The following CDH11 variants were observed in gnomAD, a reference collection of about 807,000 sequenced individuals.
CDH11 encodes cadherin 11, also known as cadherin-11.
CDH11 carries 11 observed loss-of-function variants against 67.8 expected under a neutral mutation model. That is an observed-to-expected ratio of 0.16 (90% confidence interval 0.10 to 0.27). The LOEUF (loss-of-function observed/expected upper bound fraction) is 0.27, where lower values mean the gene tolerates loss of function less well. CDH11 is among the 10% of genes least tolerant of loss of function. CDH11 has a pLI of 1.00. For missense variants in CDH11, 847 were observed against 1,031.2 expected (o/e 0.82, Z 2.45); for synonymous variants, 419 against 400.0 (o/e 1.05, Z -0.57).
chr16:65,068,152 CAAAG>C (rs1360991424), intron 1 of CDH11, among the ~76,000 whole-genome samples: 1 of 128,098 alleles, frequency 7.8e-6, no homozygotes, highest in African/African-American at 3.0e-5. Context: ...GAGGGAGAGA[CAAAG>C]GAAGAGAGAA....
chr16:65,002,249 T>C (rs1196208839), intron 3 of CDH11, among the ~76,000 whole-genome samples: 2 of 150,808 alleles, frequency 1.3e-5, no homozygotes, highest in Non-Finnish European at 2.9e-5. Flanking sequence ...TATTTTCTTC[T>C]AGTAGGCATG....
chr16:65,099,438 G>A (rs919659930), intron 1 of CDH11, among the ~76,000 whole-genome samples: 2 of 152,124 alleles, frequency 1.3e-5, no homozygotes, highest in South Asian at 2.1e-4. Context: ...ACAGGACATA[G>A]CAAATGGCCT....
intron 4 of CDH11, among the ~76,000 whole-genome samples, chr16:64,997,918 T>A (rs2072814883): frequency 6.6e-6 from 1 of 152,188 alleles, no homozygotes; most frequent in African/African-American, 2.4e-5. Context: ...AAACCTTTCT[T>A]AATATGAGGA....
At chr16:65,056,307 A>T (rs534274807) in intron 1 of CDH11, among the ~76,000 whole-genome samples, 4 of 152,190 alleles carry the variant, frequency 2.6e-5, no homozygotes, top group Non-Finnish European at 5.9e-5. Context: ...TCAGCCTTCC[A>T]AGCTGAGGTG....
At chr16:65,039,054 T>G (rs892349010) in intron 2 of CDH11, among the ~76,000 whole-genome samples, 2 of 152,196 alleles carry the variant, frequency 1.3e-5, no homozygotes, top group African/African-American at 4.8e-5. Context: ...GTGAAAGAGA[T>G]GAAGTCCAGC....
At chr16:65,074,412 C>T (rs1017492761) in intron 1 of CDH11, among the ~76,000 whole-genome samples, 1 of 152,180 alleles carries the variant, frequency 6.6e-6, no homozygotes, top group African/African-American at 2.4e-5. Flanking sequence ...TGTGCAACCC[C>T]CCGGCTTAAC....
intron 6 of CDH11, 175 bp downstream of exon 6, chr16:64,991,593 T>C (rs988082351): frequency 1.3e-5 from 6 of 472,324 alleles, no homozygotes; most frequent in African/African-American, 1.2e-4. Flanking sequence ...CTCCCCGACA[T>C]TGTTGTTGTT....
At chr16:65,108,507 T>C (rs2075103269) in intron 1 of CDH11, among the ~76,000 whole-genome samples, 3 of 152,184 alleles carry the variant, frequency 2.0e-5, no homozygotes, top group Non-Finnish European at 2.9e-5. Flanking sequence ...TATATAGCAG[T>C]GTCTATGAAG....
At chr16:65,105,189 T>A (rs1200386169) in intron 1 of CDH11, among the ~76,000 whole-genome samples, 1 of 152,210 alleles carries the variant, frequency 6.6e-6, no homozygotes, top group Non-Finnish European at 1.5e-5. Context: ...GGCTGGGTTT[T>A]CTTTTTGTTG....
chr16:65,037,224 A>G (rs1040056719), intron 2 of CDH11, among the ~76,000 whole-genome samples: 3 of 152,222 alleles, frequency 2.0e-5, no homozygotes, highest in African/African-American at 7.2e-5. Context: ...TGTGGCATCA[A>G]GAAAATCATT....
chr16:65,103,741 C>T (rs902735496), intron 1 of CDH11, among the ~76,000 whole-genome samples: 9 of 152,050 alleles, frequency 5.9e-5, no homozygotes, highest in Non-Finnish European at 1.3e-4. Context: ...TTAAAATGTG[C>T]CTAGTCTCAA....
intron 2 of CDH11, among the ~76,000 whole-genome samples, chr16:65,028,224 T>C (rs1410175260): frequency 6.6e-6 from 1 of 152,140 alleles, no homozygotes; most frequent in Non-Finnish European, 1.5e-5. Context: ...GATGCCCAGT[T>C]TGATTGCTCG....
In CDH11 at chr16:65,121,987, C is replaced by A. The variant is rs1567592811; in HGVS notation, c.-405G>T. On this transcript the variant is annotated 5_prime_UTR_variant, in exon 1 of 13. Coordinates refer to ENST00000268603, the MANE Select transcript of CDH11 (RefSeq NM_001797.4). The surrounding 1 kb of genome is among the most constrained non-coding windows in gnomAD (Gnocchi z 4.1). ...AGTCCCGGTCCCATTCACAAGTCAG[C>A]GGCGGCTGCGAGCGGCCCCCGCGGC... 1 of 700,832 alleles carries A rather than the reference C, an allele frequency of 1.4e-6. No homozygotes were observed. The highest frequency in any genetic ancestry group is 2.6e-6 in the Non-Finnish European group (1 of 384,062). 43.4% of individuals were successfully genotyped at this position (700,832 alleles called of 1,614,324 possible).
At chr16:65,058,269 G>A (rs1190994521) in intron 1 of CDH11, among the ~76,000 whole-genome samples, 1 of 152,102 alleles carries the variant, frequency 6.6e-6, no homozygotes, top group Non-Finnish European at 1.5e-5. Context: ...ACCACAATGG[G>A]ATATTTTGGA....
intron 11 of CDH11, among the ~76,000 whole-genome samples, chr16:64,951,871 C>A (rs2071371627): frequency 6.6e-6 from 1 of 152,072 alleles, no homozygotes; most frequent in African/African-American, 2.4e-5. Flanking sequence ...ACACCATCAG[C>A]CACCCAATTA....
Position 65,028,932 on chromosome 16 carries a change from G to A in CDH11, c.-172-23891C>T, listed in dbSNP as rs573953836. Among the ~76,000 whole-genome samples the A allele has an allele frequency of 3.3e-5, 5 of 152,192 alleles. No individual in the cohort carries two copies. The East Asian group carries it at 9.7e-4, about 29-fold the overall frequency. On this transcript the variant is annotated intron_variant, in intron 2 of 12. Transcript: ENST00000268603. ...GGTGGTTGCCAGGACCTAGGGGCAG[G>A]GGAAAATAGGGAGTTCTTTATTTAT...
intron 11 of CDH11, among the ~76,000 whole-genome samples, chr16:64,962,949 T>C (rs2071712434): frequency 6.6e-6 from 1 of 152,208 alleles, no homozygotes; most frequent in South Asian, 2.1e-4. Flanking sequence ...CATAGGACTA[T>C]GGAATGCTAG....
chr16:65,106,192 T>C (rs544359790), intron 1 of CDH11, among the ~76,000 whole-genome samples: 1 of 152,298 alleles, frequency 6.6e-6, no homozygotes, highest in South Asian at 2.1e-4. Flanking sequence ...ATCCCTCCTG[T>C]AGGGAGGTAA....
intron 6 of CDH11, among the ~76,000 whole-genome samples, chr16:64,990,311 G>C (rs1431666923): frequency 2.0e-5 from 3 of 152,132 alleles, no homozygotes; most frequent in Non-Finnish European, 2.9e-5. Flanking sequence ...TGCTGAACTT[G>C]TGCCCGGCCA....
Sources: allele counts gnomAD v4.1 joint callset (sites outside exome capture counted in the v4.1 genomes callset), GRCh38; gene constraint gnomAD v4.1.1; non-coding constraint Gnocchi (gnomAD v3.1); transcripts MANE v1.5; gene names NCBI Gene and HGNC (gene_info 2026-07-23, HGNC 2026-07-21).